Variants in LTBP1 observed in about 807,000 individuals in gnomAD.
LTBP1 encodes the protein latent-transforming growth factor beta-binding protein 1.
A neutral mutation model predicts 207.6 loss-of-function variants in LTBP1; 129 were observed. The observed-to-expected ratio is 0.62, with a 90% confidence interval of 0.54 to 0.72. The LOEUF is 0.72. Ranked by LOEUF, LTBP1 falls within the 30% of genes least tolerant of loss-of-function variation. The pLI is 0.00. For synonymous variants in LTBP1, 963 were observed against 833.7 expected (o/e 1.16, Z -2.67); for missense variants, 2,281 against 2,217.2 (o/e 1.03, Z -0.58).
intron 11 of LTBP1, among the ~76,000 whole-genome samples, chr2:33,255,865 A>C (rs547592227): frequency 6.6e-6 from 1 of 152,272 alleles, no homozygotes; most frequent in South Asian, 2.1e-4. Flanking sequence ...TTTTATATTC[A>C]ATTTTAAAAG....
chr2:33,178,095 A>G (rs1296264613), intron 5 of LTBP1, among the ~76,000 whole-genome samples: 1 of 152,194 alleles, frequency 6.6e-6, no homozygotes, highest in African/African-American at 2.4e-5. Flanking sequence ...AGATGGAGAC[A>G]CTGTAGTCTA....
chr2:33,200,657 A>C (rs1330098595), intron 7 of LTBP1, among the ~76,000 whole-genome samples: 1 of 152,228 alleles, frequency 6.6e-6, no homozygotes, highest in Non-Finnish European at 1.5e-5. Context: ...GCTTCTGCAC[A>C]GCAAAAGAAG....
chr2:33,016,496 C>A (rs1688395273), intron 2 of LTBP1, among the ~76,000 whole-genome samples: 1 of 152,132 alleles, frequency 6.6e-6, no homozygotes, highest in African/African-American at 2.4e-5. Flanking sequence ...GAGCCCTCCC[C>A]CGCTAGAGAT....
At chr2:33,186,438 A>G (rs181078844) in intron 5 of LTBP1, among the ~76,000 whole-genome samples, 110 of 152,288 alleles carry the variant, frequency 7.2e-4, no homozygotes, top group Non-Finnish European at 1.2e-3. Context: ...TTACCAGGCC[A>G]TACACACTAC....
chr2:33,350,571 C>A (rs2094767249), intron 26 of LTBP1, among the ~76,000 whole-genome samples: 1 of 152,184 alleles, frequency 6.6e-6, no homozygotes, highest in South Asian at 2.1e-4. Flanking sequence ...GTTTTTATTT[C>A]TAAACTTTCT....
chr2:32,999,302 G>A (rs531615921), intron 2 of LTBP1, among the ~76,000 whole-genome samples: 1 of 152,178 alleles, frequency 6.6e-6, no homozygotes, highest in African/African-American at 2.4e-5. Flanking sequence ...TTTCCGGGAT[G>A]TGCATTTTAA....
intron 26 of LTBP1, among the ~76,000 whole-genome samples, chr2:33,360,110 C>T (rs1047920088): frequency 6.6e-6 from 1 of 152,150 alleles, no homozygotes; most frequent in Non-Finnish European, 1.5e-5. Context: ...CAGGTTACGA[C>T]AGTATTTTCC....
chr2:33,080,100 C>T (rs547786734), intron 3 of LTBP1, among the ~76,000 whole-genome samples: 1 of 152,278 alleles, frequency 6.6e-6, no homozygotes, highest in South Asian at 2.1e-4. Flanking sequence ...GATCTCGGCT[C>T]ACTGCAACCT....
chr2:33,382,725 G>A (rs577021120), intron 31 of LTBP1, among the ~76,000 whole-genome samples: 3 of 152,214 alleles, frequency 2.0e-5, no homozygotes, highest in East Asian at 1.9e-4. Context: ...TAAAAGAACC[G>A]TGTCCAGACC....
intron 5 of LTBP1, among the ~76,000 whole-genome samples, chr2:33,141,013 A>G (rs932367764): frequency 6.6e-6 from 1 of 152,182 alleles, no homozygotes; most frequent in African/African-American, 2.4e-5. Flanking sequence ...AAAGGCTAGT[A>G]TTAGGAACAG....
intron 7 of LTBP1, among the ~76,000 whole-genome samples, chr2:33,196,610 A>G (rs1256785482): frequency 3.9e-5 from 6 of 152,188 alleles, no homozygotes; most frequent in African/African-American, 1.4e-4. Flanking sequence ...TGTGAAGACA[A>G]GGATGATGAA....
At chr2:33,159,631 C>T (rs1475069254) in intron 5 of LTBP1, among the ~76,000 whole-genome samples, 2 of 152,218 alleles carry the variant, frequency 1.3e-5, no homozygotes, top group Non-Finnish European at 2.9e-5. Context: ...TGGGTGGTCC[C>T]ATTTAGGCTT....
intron 20 of LTBP1, 83 bp downstream of exon 20, chr2:33,293,365 C>A (rs1381437524): frequency 4.4e-6 from 6 of 1,361,700 alleles, no homozygotes; most frequent in Middle Eastern, 1.9e-4. Context: ...GAAAAGGGAA[C>A]CCTGCTACCT....
chr2:33,254,851 G>GTTTTT (rs1558893129), intron 11 of LTBP1, among the ~76,000 whole-genome samples: 2 of 7,060 alleles, frequency 2.8e-4, no homozygotes, highest in African/African-American at 1.8e-3. Flanking sequence ...TGCGGTGTTT[G>GTTTTT]GTTTTTTTTT....
chr2:33,277,832 T>TC lies in LTBP1; in HGVS notation c.2992+1909_2992+1910insC, dbSNP rs1419867527. ...TTCTTTTTTTCTTTCTTTCTTTCTT[T>TC]TTTTTTTTTTTTTTTTAAAGACAGT... On this transcript the variant is annotated intron_variant, in intron 18 of 33. Transcript: ENST00000404816. Among the ~76,000 whole-genome samples, 215 of 101,072 alleles carry TC rather than the reference T, an allele frequency of 2.1e-3. 3 individuals are homozygous for TC. The highest frequency in any genetic ancestry group is 4.2e-3 in the Middle Eastern group (1 of 236). The allele number at this position is 101,072 out of a possible 152,430, so 66.3% of individuals were successfully genotyped here. A position where few individuals can be genotyped will look rare whatever the true frequency, so the allele number is the denominator to read the frequency against.
chr2:33,287,931 T>C (rs1343728988), intron 19 of LTBP1, among the ~76,000 whole-genome samples: 3 of 152,190 alleles, frequency 2.0e-5, no homozygotes, highest in African/African-American at 4.8e-5. Context: ...CTGCCAAATA[T>C]GTTCTTCCAT....
At chr2:33,276,660 G>A (rs2093432653) in intron 18 of LTBP1, among the ~76,000 whole-genome samples, 1 of 152,164 alleles carries the variant, frequency 6.6e-6, no homozygotes, top group Admixed American at 6.5e-5. Flanking sequence ...AGACCAGCCT[G>A]GCCAACATGC....
chr2:33,262,292 A>T (rs528152946), intron 13 of LTBP1, among the ~76,000 whole-genome samples: 1 of 152,212 alleles, frequency 6.6e-6, no homozygotes, highest in Non-Finnish European at 1.5e-5. Context: ...CACATCTGCT[A>T]TATCCATTAT....
intron 24 of LTBP1, among the ~76,000 whole-genome samples, chr2:33,324,413 G>GA (rs1332028612): frequency 1.3e-5 from 2 of 151,372 alleles, no homozygotes; most frequent in Admixed American, 6.6e-5. Context: ...TATATATATG[G>GA]AAAAAAACAC....
Sources: gnomAD v4.1 joint callset for allele counts (sites outside exome capture counted in the v4.1 genomes callset) on GRCh38, gnomAD v4.1.1 for gene constraint, MANE v1.5 for transcripts, NCBI Gene and HGNC (gene_info 2026-07-23, HGNC 2026-07-21) for gene names.